The following PTPRM variants were observed in gnomAD, a reference collection of about 807,000 sequenced individuals.
PTPRM encodes receptor-type tyrosine-protein phosphatase mu.
A neutral mutation model predicts 186.7 loss-of-function variants in PTPRM; 47 were observed. The observed-to-expected ratio is 0.25, with a 90% CI of 0.20 to 0.32. The LOEUF is 0.32. PTPRM is among the 10% of genes least tolerant of loss of function. PTPRM has a pLI of 1.00. For missense variants in PTPRM, 1,494 were observed against 1,865.0 expected (o/e 0.80, Z 3.66); for synonymous variants, 668 against 674.9 (o/e 0.99, Z 0.16).
rs148556069 is a variant in PTPRM at position 7,571,524 on chromosome 18, T to C, written c.73+3633T>C. 7.2e-5 allele frequency among the ~76,000 whole-genome samples: 11 copies of C among 152,334 alleles called. No homozygotes were observed. In the East Asian group the frequency reaches 2.1e-3, roughly 29 times the overall value. On this transcript the variant is annotated intron_variant, in intron 1 of 32. Transcript: ENST00000580170. Reference sequence around the variant, plus strand: ...CAATGAAGTGTTTAGTTCTACCTTATAATGGTTTTGATGTGTTAAGTTCTG... The same window carrying C: ...CAATGAAGTGTTTAGTTCTACCTTACAATGGTTTTGATGTGTTAAGTTCTG...
intron 14 of PTPRM, among the ~76,000 whole-genome samples, chr18:8,210,462 A>G (rs1199641019): frequency 6.6e-6 from 1 of 152,178 alleles, no homozygotes; most frequent in Non-Finnish European, 1.5e-5. Flanking sequence ...CTGAAAGAAC[A>G]AGGAATTGTC....
At chr18:7,611,906 A>G (rs1404688013) in intron 1 of PTPRM, among the ~76,000 whole-genome samples, 1 of 152,152 alleles carries the variant, frequency 6.6e-6, no homozygotes, top group Non-Finnish European at 1.5e-5. Context: ...AGTCTTGGGT[A>G]TGTCTTTATC....
intron 29 of PTPRM, 56 bp from the exon 30 acceptor site, chr18:8,384,505 G>A (rs140588478): frequency 1.3e-6 from 2 of 1,597,308 alleles, no homozygotes; most frequent in African/African-American, 1.3e-5. Flanking sequence ...TATCCAAACT[G>A]TTAGGAGTAA....
chr18:8,069,248 T>C (rs2089310103), intron 7 of PTPRM, among the ~76,000 whole-genome samples: 1 of 152,154 alleles, frequency 6.6e-6, no homozygotes, highest in Admixed American at 6.5e-5. Flanking sequence ...GGTATGGTAG[T>C]TCAGTGATAT....
At chr18:8,127,634 T>C (rs984077995) in intron 13 of PTPRM, among the ~76,000 whole-genome samples, 2 of 152,110 alleles carry the variant, frequency 1.3e-5, no homozygotes, top group African/African-American at 4.8e-5. Flanking sequence ...CTTCAGACGG[T>C]GCATACAGTT....
intron 2 of PTPRM, among the ~76,000 whole-genome samples, chr18:7,832,806 G>A (rs1567886475): frequency 6.6e-6 from 1 of 152,178 alleles, no homozygotes; most frequent in Non-Finnish European, 1.5e-5. Flanking sequence ...TATGGTGAGA[G>A]TTAGGGGTCT....
intron 7 of PTPRM, among the ~76,000 whole-genome samples, chr18:7,962,985 T>C (rs1240288904): frequency 3.3e-5 from 5 of 152,260 alleles, no homozygotes; most frequent in African/African-American, 1.2e-4. Context: ...ATTTTTGATT[T>C]AAGTTTATTT....
At chr18:7,737,641 G>A (rs377340344) in intron 1 of PTPRM, among the ~76,000 whole-genome samples, 126 of 152,326 alleles carry the variant, frequency 8.3e-4, no homozygotes, top group African/African-American at 2.9e-3. Context: ...GTGGTCCTGG[G>A]GAATGTTGTG....
chr18:7,736,024 A>T (rs2040763812), intron 1 of PTPRM, among the ~76,000 whole-genome samples: 1 of 151,938 alleles, frequency 6.6e-6, no homozygotes, highest in Admixed American at 6.6e-5. Flanking sequence ...ATGTAAAACC[A>T]AGCTATAACC....
rs766086285 is a variant in PTPRM at position 7,567,884 on chromosome 18, G to T, written c.66G>T (p.Thr22=). 4 of 1,558,566 alleles carry T rather than the reference G, an allele frequency of 2.6e-6. No homozygotes were observed. The South Asian group carries it at 3.5e-5, about 14-fold the overall frequency. ...AGLLLTAAGE[T]FSGGCLFDEP... is the part of the protein sequence containing the mutation. ...TTTTGCTAACTGCGGCGGGCGAGACGTTCTCAGGTAAGCGGGACCGCCTCT... is the reference window on the plus strand; with the variant it reads ...TTTTGCTAACTGCGGCGGGCGAGACTTTCTCAGGTAAGCGGGACCGCCTCT... Residue 22 remains threonine (T), a synonymous_variant, in exon 1 of 33, where the codon ACG becomes ACT. Transcript: ENST00000580170. The surrounding 1 kb of genome is among the most constrained non-coding windows in gnomAD (Gnocchi z 4.3).
chr18:7,990,311 T>C (rs1375859725), intron 7 of PTPRM, among the ~76,000 whole-genome samples: 1 of 152,142 alleles, frequency 6.6e-6, no homozygotes, highest in East Asian at 1.9e-4. Flanking sequence ...GAATCGTGTG[T>C]GTTTGTGTGT....
chr18:7,986,731 G>A (rs2082984203), intron 7 of PTPRM, among the ~76,000 whole-genome samples: 1 of 152,216 alleles, frequency 6.6e-6, no homozygotes, highest in African/African-American at 2.4e-5. Context: ...ATGGAGGTCT[G>A]AGTTGGTGTT....
intron 19 of PTPRM, among the ~76,000 whole-genome samples, chr18:8,294,575 G>T (rs996529827): frequency 6.6e-6 from 1 of 152,196 alleles, no homozygotes; most frequent in African/African-American, 2.4e-5. Context: ...TACAATTGAA[G>T]ATGAGATTTG....
At chr18:8,026,400 AAG>A (rs1342722725) in intron 7 of PTPRM, among the ~76,000 whole-genome samples, 1 of 152,222 alleles carries the variant, frequency 6.6e-6, no homozygotes, top group African/African-American at 2.4e-5. Flanking sequence ...GTAGCAACAG[AAG>A]AATATGTTAA....
chr18:7,686,523 G>C (rs138133301), intron 1 of PTPRM, among the ~76,000 whole-genome samples: 1,743 of 151,686 alleles, frequency 0.011, 31 homozygotes, highest in African/African-American at 0.04. Flanking sequence ...CCTTTGACTA[G>C]TGTATAAGAA....
At chr18:8,297,762 A>C (rs1192570398) in intron 20 of PTPRM, among the ~76,000 whole-genome samples, 1 of 152,258 alleles carries the variant, frequency 6.6e-6, no homozygotes, top group Non-Finnish European at 1.5e-5. Context: ...AAAACGTCCC[A>C]GCTGAGCACA....
chr18:7,762,650 G>C (rs2041832285), intron 1 of PTPRM, among the ~76,000 whole-genome samples: 1 of 152,118 alleles, frequency 6.6e-6, no homozygotes, highest in Non-Finnish European at 1.5e-5. Flanking sequence ...GGATATACTG[G>C]AGAGAGCAGA....
chr18:7,575,032 A>G (rs939373896), intron 1 of PTPRM, among the ~76,000 whole-genome samples: 1 of 152,166 alleles, frequency 6.6e-6, no homozygotes, highest in Non-Finnish European at 1.5e-5. Context: ...ACTCCGTCTC[A>G]AAAAACAGAA....
At chr18:8,213,184 A>C (rs2094031030) in intron 14 of PTPRM, among the ~76,000 whole-genome samples, 1 of 152,216 alleles carries the variant, frequency 6.6e-6, no homozygotes, top group East Asian at 1.9e-4. Flanking sequence ...TAATCACAAA[A>C]ATAACAGAGG....
Sources: allele counts gnomAD v4.1 joint callset (sites outside exome capture counted in the v4.1 genomes callset), GRCh38; gene constraint gnomAD v4.1.1; non-coding constraint Gnocchi (gnomAD v3.1); transcripts MANE v1.5; gene names NCBI Gene and HGNC (gene_info 2026-07-23, HGNC 2026-07-21).